The following IQSEC1 variants were observed in gnomAD, a reference collection of about 807,000 sequenced individuals.
IQSEC1 encodes IQ motif and SEC7 domain-containing protein 1.
A neutral mutation model predicts 91.0 loss-of-function variants in IQSEC1; 31 were observed. The ratio of observed to expected loss-of-function variants is 0.34; its 90% CI spans 0.26 to 0.46. The LOEUF is 0.46. Among genes scored for constraint, IQSEC1 ranks in the 20% least tolerant of loss-of-function variants. IQSEC1 has a pLI of 1.00. For missense variants in IQSEC1, 1,388 were observed against 1,575.6 expected, an observed-to-expected ratio of 0.88 and a Z score of 2.02; for synonymous variants, 699 against 662.6, an observed-to-expected ratio of 1.05 and a Z score of -0.84.
At chr3:13,272,653 G>A (rs1175267791) in intron 1 of IQSEC1, among the ~76,000 whole-genome samples, 1 of 152,200 alleles carries the variant, frequency 6.6e-6, no homozygotes, top group Non-Finnish European at 1.5e-5. Context: ...CTCGATGTCC[G>A]GCAACTGCTG....
At position 12,983,209 on chromosome 3, in the gene IQSEC1, A is replaced by G. The variant is rs566260910; in HGVS notation, c.24-41344T>C. 7.0e-4 allele frequency among the ~76,000 whole-genome samples: 107 copies of G among 152,332 alleles called. No individual in the cohort carries two copies. The highest frequency in any genetic ancestry group is 2.4e-3 in the African/African-American group (100 of 41,574). On this transcript the variant is annotated intron_variant, in intron 1 of 13. Transcript: ENST00000613206. The surrounding 1 kb of genome is among the most constrained non-coding windows in gnomAD (Gnocchi z 4.3). ...ACTGGGTGCTCCAGCTCCAGCACCT[A>G]AGCCCCATCCTCTGCAAACAGGGGT...
intron 2 of IQSEC1, among the ~76,000 whole-genome samples, chr3:13,141,607 A>ATGGTT (rs923311561): frequency 2.2e-4 from 33 of 152,358 alleles, no homozygotes; most frequent in Non-Finnish European, 8.8e-5. Context: ...GAATTCATTC[A>ATGGTT]TGTCCCCAAA....
intron 6 of IQSEC1, among the ~76,000 whole-genome samples, chr3:12,916,177 G>A (rs1194954746): frequency 1.3e-5 from 2 of 152,186 alleles, no homozygotes; most frequent in Non-Finnish European, 2.9e-5. Context: ...TACTAGCTGT[G>A]TGACTATGGG....
intron 2 of IQSEC1, among the ~76,000 whole-genome samples, chr3:13,163,082 C>T (rs953333189): frequency 3.9e-5 from 6 of 152,130 alleles, no homozygotes; most frequent in African/African-American, 1.4e-4. Context: ...GACTCTGGTT[C>T]CCTGGAGCCC....
chr3:12,957,855 A>G (rs1700011179), intron 1 of IQSEC1, among the ~76,000 whole-genome samples: 1 of 152,236 alleles, frequency 6.6e-6, no homozygotes, highest in Non-Finnish European at 1.5e-5. Flanking sequence ...TTTACAGTCC[A>G]TGAACTACGG....
At position 13,007,445 on chromosome 3, in the gene IQSEC1, C is replaced by T. The variant is rs111858463; in HGVS notation, c.23+65547G>A. On this transcript the variant is annotated intron_variant, in intron 1 of 13. Transcript: ENST00000613206. ...TCTCTACCTGCCCCACCCACTGCAC[C>T]GGTCCACCCTCCGTGTCTCTAAGGA... Among the ~76,000 whole-genome samples the T allele has an allele frequency of 6.1e-3, 927 of 152,326 alleles. 11 individuals are homozygous for T. The highest frequency in any genetic ancestry group is 0.022 in the African/African-American group (894 of 41,564).
At chr3:13,186,532 A>G (rs1693934125) in intron 1 of IQSEC1, among the ~76,000 whole-genome samples, 1 of 152,228 alleles carries the variant, frequency 6.6e-6, no homozygotes, top group Non-Finnish European at 1.5e-5. Flanking sequence ...CTTTAAAAAA[A>G]GAATCCTTAG....
At chr3:13,232,940 A>G (rs1026523727) in intron 1 of IQSEC1, among the ~76,000 whole-genome samples, 11 of 152,160 alleles carry the variant, frequency 7.2e-5, no homozygotes, top group Non-Finnish European at 1.5e-4. Flanking sequence ...CCCTAGCAGG[A>G]CATAAAGTAG....
Position 13,239,812 on chromosome 3 carries a change from A to T in IQSEC1, c.272+42899T>A, listed in dbSNP as rs1015240113. Among the ~76,000 whole-genome samples, 4 of 152,242 alleles carry T rather than the reference A, an allele frequency of 2.6e-5. No homozygotes were observed. The South Asian group carries it at 8.3e-4, about 31-fold the overall frequency. On this transcript the variant is annotated intron_variant, in intron 1 of 15. Coordinates refer to the IQSEC1 transcript ENST00000648114. The stretch of plus-strand genomic sequence containing the variant: ...CGAAGCCTGCAGGACCACGTTGCGA[A>T]GAGGCCCCAGCGCAGCCAGATGCTT...
intron 1 of IQSEC1, among the ~76,000 whole-genome samples, chr3:12,950,289 C>G (rs1305778196): frequency 6.6e-6 from 1 of 152,168 alleles, no homozygotes; most frequent in Non-Finnish European, 1.5e-5. Context: ...GGACTGCAGT[C>G]CCCAAGAGTT....
At chr3:12,968,517 A>G (rs1467614306) in intron 1 of IQSEC1, among the ~76,000 whole-genome samples, 1 of 152,142 alleles carries the variant, frequency 6.6e-6, no homozygotes, top group Non-Finnish European at 1.5e-5. Context: ...CAATGAGTAA[A>G]CTGAGGCTCA....
rs181115856 is a variant in IQSEC1 at position 13,087,292 on chromosome 3, C to T, written c.303-39770G>A. On this transcript the variant is annotated intron_variant, in intron 2 of 15. Coordinates refer to the IQSEC1 transcript ENST00000648114. ...AGTTCCCCTGATGTTTTAAAGAGCT[C>T]CCAAATTCATCCACCAAAAGGAAGA... Among the ~76,000 whole-genome samples the T allele has an allele frequency of 3.6e-4, 55 of 152,272 alleles. No individual in the cohort carries two copies. In the East Asian group the frequency reaches 0.01, roughly 29 times the overall value.
chr3:13,164,645 G>T (rs1693446629), intron 1 of IQSEC1, among the ~76,000 whole-genome samples: 1 of 152,204 alleles, frequency 6.6e-6, no homozygotes, highest in African/African-American at 2.4e-5. Context: ...TTACAAAGGA[G>T]ACAACCTTGA....
intron 1 of IQSEC1, among the ~76,000 whole-genome samples, chr3:12,942,991 C>T (rs188135724): frequency 9.8e-5 from 15 of 152,348 alleles, no homozygotes; most frequent in Non-Finnish European, 2.9e-5. Flanking sequence ...TGTCTGTTGT[C>T]GAAGGCCCCT....
At chr3:12,951,544 C>T (rs1699546675) in intron 1 of IQSEC1, among the ~76,000 whole-genome samples, 2 of 152,196 alleles carry the variant, frequency 1.3e-5, no homozygotes, top group Admixed American at 6.5e-5. Context: ...TGTTCTAGTG[C>T]CGGTCAGCCA....
At chr3:13,187,044 C>T (rs1693946163) in intron 1 of IQSEC1, among the ~76,000 whole-genome samples, 2 of 151,970 alleles carry the variant, frequency 1.3e-5, no homozygotes, top group Admixed American at 1.3e-4. Context: ...CCTTCCTCTC[C>T]TTCCTTCCTC....
At chr3:13,122,265 G>C (rs769102560) in intron 2 of IQSEC1, among the ~76,000 whole-genome samples, 1 of 152,270 alleles carries the variant, frequency 6.6e-6, no homozygotes, top group Non-Finnish European at 1.5e-5. Flanking sequence ...GATGGGCGGA[G>C]AGCACAGCCC....
chr3:12,949,174 C>T (rs1337125405), intron 1 of IQSEC1, among the ~76,000 whole-genome samples: 2 of 152,228 alleles, frequency 1.3e-5, no homozygotes, highest in Non-Finnish European at 2.9e-5. Context: ...GACCCCACAC[C>T]ATGCCTCTCC....
At chr3:13,118,752 C>A (rs912636963) in intron 2 of IQSEC1, among the ~76,000 whole-genome samples, 1 of 152,208 alleles carries the variant, frequency 6.6e-6, no homozygotes, top group Middle Eastern at 3.4e-3. Context: ...CAAAACACTG[C>A]GAACGTACTT....
Sources: allele counts gnomAD v4.1 joint callset (sites outside exome capture counted in the v4.1 genomes callset), GRCh38; gene constraint gnomAD v4.1.1; non-coding constraint Gnocchi (gnomAD v3.1); transcripts MANE v1.5; gene names NCBI Gene and HGNC (gene_info 2026-07-23, HGNC 2026-07-21).